ALG6: variants seen among roughly 807,000 people sequenced by gnomAD.
ALG6 encodes ALG6 alpha-1,3-glucosyltransferase.
ALG6 carries 46 observed loss-of-function variants against 66.6 expected under a neutral mutation model. The ratio of observed to expected loss-of-function variants is 0.69; its 90% CI spans 0.55 to 0.88. ALG6 has a LOEUF of 0.88. ALG6 is among the 40% of genes least tolerant of loss of function. The pLI is 0.00. For synonymous variants in ALG6, 185 were observed against 203.7 expected (o/e 0.91, Z 0.78); for missense variants, 505 against 586.8 (o/e 0.86, Z 1.44).
chr1:63,424,737 A>G (rs1285122201), intron 12 of ALG6, among the ~76,000 whole-genome samples: 2 of 149,404 alleles, frequency 1.3e-5, no homozygotes, highest in Non-Finnish European at 3.0e-5. Flanking sequence ...TTATGGATTT[A>G]GCTCTTATAT....
At chr1:63,427,826 C>T (rs1644624684) in intron 12 of ALG6, among the ~76,000 whole-genome samples, 1 of 145,038 alleles carries the variant, frequency 6.9e-6, no homozygotes, top group South Asian at 2.2e-4. Flanking sequence ...TGGAGTCTCG[C>T]CCTGTCATCT....
chr1:63,421,553 A>G (rs976047875), intron 12 of ALG6, among the ~76,000 whole-genome samples: 6 of 152,188 alleles, frequency 3.9e-5, no homozygotes, highest in Non-Finnish European at 4.4e-5. Context: ...AAATCATTCT[A>G]CTATAAAGAC....
At chr1:63,385,169 G>A (rs1570041758) in intron 2 of ALG6, among the ~76,000 whole-genome samples, 1 of 117,486 alleles carries the variant, frequency 8.5e-6, no homozygotes, top group Admixed American at 8.2e-5. Flanking sequence ...TTTTTATTAA[G>A]ATCTTTTACT....
At chr1:63,369,945 A>G (rs1196018305) in intron 1 of ALG6, among the ~76,000 whole-genome samples, 2 of 151,990 alleles carry the variant, frequency 1.3e-5, no homozygotes, top group African/African-American at 2.4e-5. Flanking sequence ...CAGCCTTCCA[A>G]ATAGCTGGGA....
chr1:63,411,904 C>A, intron 8 of ALG6, 22 bp from the exon 9 acceptor site: 1 of 1,613,950 alleles, frequency 6.2e-7, no homozygotes, highest in Non-Finnish European at 8.5e-7. Context: ...TATCTTACTG[C>A]CTACCTTTGT....
At chr1:63,422,225 A>ATAAATATATATCTATATG (rs1491422091) in intron 12 of ALG6, among the ~76,000 whole-genome samples, 7 of 71,584 alleles carry the variant, frequency 9.8e-5, no homozygotes, top group Non-Finnish European at 1.7e-4. Context: ...ATATTTATAT[A>ATAAATATATATCTATATG]AATATAAATA....
intron 1 of ALG6, among the ~76,000 whole-genome samples, chr1:63,368,214 T>C (rs933195141): frequency 5.9e-5 from 9 of 152,154 alleles, no homozygotes; most frequent in Admixed American, 2.0e-4. Flanking sequence ...TGTTTTCTGA[T>C]TTACAGGTGG....
In ALG6 at chr1:63,414,054, T is replaced by G; in HGVS notation, c.817-7T>G. The G allele has an allele frequency of 1.3e-6, 2 of 1,597,990 alleles. No individual in the cohort carries two copies. The highest frequency in any genetic ancestry group is 1.7e-6 in the Non-Finnish European group (2 of 1,165,832). On this transcript the variant is annotated splice_polypyrimidine_tract_variant and splice_region_variant and intron_variant, in intron 9 of 14. Transcript: ENST00000263440. ...CCAGAATGTAAAGCTAACAAATCTC[T>G]TTTAAGGATAAAGTAGCCAATATTT... is the stretch of plus-strand genomic sequence containing the variant.
At chr1:63,435,904 GAT>G (rs1421703579) in intron 14 of ALG6, among the ~76,000 whole-genome samples, 1 of 152,012 alleles carries the variant, frequency 6.6e-6, no homozygotes. Flanking sequence ...CACACTAACT[GAT>G]GACCACACAA....
intron 12 of ALG6, among the ~76,000 whole-genome samples, chr1:63,422,401 C>CTATATAAATATA (rs1644589785): frequency 1.2e-4 from 7 of 57,406 alleles, no homozygotes; most frequent in Non-Finnish European, 2.2e-4. Context: ...AAATATATAT[C>CTATATAAATATA]TATATAAATA....
intron 2 of ALG6, among the ~76,000 whole-genome samples, chr1:63,374,028 C>G (rs1648027173): frequency 6.6e-6 from 1 of 152,116 alleles, no homozygotes; most frequent in Non-Finnish European, 1.5e-5. Context: ...TGAGTATTTT[C>G]TTTAGTATTT....
At chr1:63,408,346 TA>T (rs1388392143) in intron 7 of ALG6, among the ~76,000 whole-genome samples, 1 of 152,170 alleles carries the variant, frequency 6.6e-6, no homozygotes, top group Non-Finnish European at 1.5e-5. Context: ...TGCAGTTTGT[TA>T]AAAAACTATG....
intron 14 of ALG6, among the ~76,000 whole-genome samples, chr1:63,435,575 C>T (rs763949057): frequency 7.2e-5 from 11 of 152,112 alleles, no homozygotes; most frequent in Non-Finnish European, 1.3e-4. Context: ...CTGTTTCTCA[C>T]TGCTTTCTAC....
rs561763590 is a variant in ALG6 at position 63,430,130 on chromosome 1, C to G, written c.1326+1004C>G. 2.0e-5 allele frequency among the ~76,000 whole-genome samples: 3 copies of G among 152,256 alleles called. No homozygotes were observed. In the East Asian group the frequency reaches 5.8e-4, roughly 29 times the overall value. On this transcript the variant is annotated intron_variant, in intron 14 of 14. Transcript: ENST00000263440. ...ACTCCTGACCTCATGATCTGCCGGC[C>G]TTGGCCTCCCAAAGTGCTGGGATTA...
At chr1:63,427,397 C>G (rs1644621386) in intron 12 of ALG6, among the ~76,000 whole-genome samples, 1 of 151,966 alleles carries the variant, frequency 6.6e-6, no homozygotes, top group Non-Finnish European at 1.5e-5. Context: ...AGTCATCCTT[C>G]TGGGAAAGGG....
intron 3 of ALG6, 46 bp from the exon 4 acceptor site, chr1:63,402,208 A>C: frequency 8.8e-7 from 1 of 1,134,734 alleles, no homozygotes; most frequent in Non-Finnish European, 1.3e-6. Flanking sequence ...CTACTTCTTG[A>C]ATATTGATTA....
At chr1:63,402,772 TA>T (rs1170741249) in intron 4 of ALG6, among the ~76,000 whole-genome samples, 1 of 150,836 alleles carries the variant, frequency 6.6e-6, no homozygotes, top group Non-Finnish European at 1.5e-5. Context: ...CAGCCACTGC[TA>T]TTGTATTGTG....
chr1:63,418,429 A>C (rs945200185), intron 11 of ALG6, among the ~76,000 whole-genome samples: 2 of 151,976 alleles, frequency 1.3e-5, no homozygotes, highest in Admixed American at 6.6e-5. Context: ...TGATAGAATC[A>C]TATTTTTCCT....
rs114348025 is a variant in ALG6, at chr1:63,422,493, A to G, written c.1058+3053A>G. ...TATATAAATATATATATATAAAAGAAGGTGTATTAAGGAAATGAGGTGGTA... is the reference window on the plus strand; with the variant it reads ...TATATAAATATATATATATAAAAGAGGGTGTATTAAGGAAATGAGGTGGTA... On this transcript the variant is annotated intron_variant, in intron 12 of 14. Coordinates refer to ENST00000263440, the MANE Select transcript of ALG6 (RefSeq NM_013339.4). Among the ~76,000 whole-genome samples, 343 of 132,800 alleles carry G rather than the reference A, an allele frequency of 2.6e-3. 1 individual carries two copies. The highest frequency in any genetic ancestry group is 9.2e-3 in the African/African-American group (321 of 34,748). The allele number at this position is 132,800 out of a possible 152,430, so 87.1% of individuals were successfully genotyped here.
Sources: gnomAD v4.1 joint callset for allele counts (sites outside exome capture counted in the v4.1 genomes callset) on GRCh38, gnomAD v4.1.1 for gene constraint, MANE v1.5 for transcripts, NCBI Gene and HGNC (gene_info 2026-07-23, HGNC 2026-07-21) for gene names.